EXT1: variants seen among roughly 807,000 people sequenced by gnomAD.
EXT1 encodes exostosin glycosyltransferase 1.
Under a neutral mutation model 82.5 loss-of-function variants are expected in EXT1, and 20 were observed. The observed-to-expected ratio is 0.24, with a 90% confidence interval of 0.17 to 0.35. EXT1 has a LOEUF of 0.35. Among genes scored for constraint, EXT1 ranks in the 10% least tolerant of loss-of-function variants. EXT1 has a pLI of 1.00. For missense variants in EXT1, 757 were observed against 936.5 expected, an observed-to-expected ratio of 0.81 and a Z score of 2.50; for synonymous variants, 348 against 350.8, an observed-to-expected ratio of 0.99 and a Z score of 0.09.
chr8:117,858,712 A>AGAAGGAAG (rs564611274), intron 1 of EXT1, among the ~76,000 whole-genome samples: 85 of 66,144 alleles, frequency 1.3e-3, no homozygotes, highest in South Asian at 3.2e-3. Flanking sequence ...AAGAAAAGAA[A>AGAAGGAAG]GAAGGAAGGA....
At chr8:117,833,802 T>A (rs1271255607) in intron 3 of EXT1, among the ~76,000 whole-genome samples, 1 of 152,196 alleles carries the variant, frequency 6.6e-6, no homozygotes, top group African/African-American at 2.4e-5. Context: ...TGTATTATTT[T>A]TAAAATAACA....
chr8:118,042,316 T>C (rs1301048726), intron 1 of EXT1, among the ~76,000 whole-genome samples: 1 of 152,156 alleles, frequency 6.6e-6, no homozygotes, highest in Non-Finnish European at 1.5e-5. Context: ...TTTGTTTTGA[T>C]GGAGTCTTGC....
chr8:117,906,412 C>T lies in EXT1; in HGVS notation c.963-69211G>A, dbSNP rs574336900. 1.5e-3 allele frequency among the ~76,000 whole-genome samples: 235 copies of T among 152,240 alleles called. 1 individual carries two copies. The highest frequency in any genetic ancestry group is 5.3e-3 in the African/African-American group (221 of 41,548). On this transcript the variant is annotated intron_variant, in intron 1 of 10. Coordinates refer to ENST00000378204, the MANE Select transcript of EXT1 (RefSeq NM_000127.3). The stretch of plus-strand genomic sequence containing the variant: ...ACAGACTAAAGTAATAGATTTATTT[C>T]CCATTCAATTTAGGAACCCTTAGAA...
chr8:118,006,856 T>C (rs1015435095), intron 1 of EXT1, among the ~76,000 whole-genome samples: 4 of 152,194 alleles, frequency 2.6e-5, no homozygotes, highest in African/African-American at 9.7e-5. Context: ...AGAGGCATCC[T>C]CTACCTAGCT....
At chr8:117,820,428 C>G (rs952950290) in intron 5 of EXT1, among the ~76,000 whole-genome samples, 1 of 152,136 alleles carries the variant, frequency 6.6e-6, no homozygotes, top group Admixed American at 6.6e-5. Context: ...GTGGCTCACA[C>G]GTGTGATCCC....
intron 1 of EXT1, among the ~76,000 whole-genome samples, chr8:117,941,877 C>T (rs1814288196): frequency 6.6e-6 from 1 of 152,214 alleles, no homozygotes; most frequent in Non-Finnish European, 1.5e-5. Flanking sequence ...CCTCACCCCT[C>T]TTGCTGTGTC....
At chr8:117,886,177 A>T (rs1813144658) in intron 1 of EXT1, among the ~76,000 whole-genome samples, 1 of 152,232 alleles carries the variant, frequency 6.6e-6, no homozygotes. Context: ...AGTATATATA[A>T]AATTGTACCT....
At chr8:117,822,675 G>A (rs946293086) in intron 4 of EXT1, 78 bp from the exon 5 acceptor site, 52 of 1,547,084 alleles carry the variant, frequency 3.4e-5, no homozygotes, top group South Asian at 5.6e-5. Flanking sequence ...ATCCAAATTC[G>A]AAAGATGGTG....
chr8:117,998,921 A>G (rs1385493221), intron 1 of EXT1, among the ~76,000 whole-genome samples: 1 of 152,234 alleles, frequency 6.6e-6, no homozygotes, highest in Non-Finnish European at 1.5e-5. Flanking sequence ...AAAGCAAGGT[A>G]ATACCACTAA....
intron 1 of EXT1, among the ~76,000 whole-genome samples, chr8:118,035,861 T>C (rs1373495130): frequency 6.6e-6 from 1 of 152,212 alleles, no homozygotes; most frequent in African/African-American, 2.4e-5. Context: ...AGTTGTCTAC[T>C]TTTCAACATG....
chr8:118,095,326 A>C (rs1276887988), intron 1 of EXT1, among the ~76,000 whole-genome samples: 1 of 152,242 alleles, frequency 6.6e-6, no homozygotes, highest in African/African-American at 2.4e-5. Flanking sequence ...GCATTGAGGT[A>C]CTTAAATTTT....
rs1823086986 is a variant in EXT1 at position 117,796,323 on chromosome 8, C to A, written c.*3389G>T. The A allele has an allele frequency of 6.6e-6, 1 of 151,426 alleles. No homozygotes were observed. Among genetic ancestry groups the A allele is most frequent in the Non-Finnish European group, 1.5e-5 (1 of 67,928 alleles). 9.4% of individuals were successfully genotyped at this position (151,426 alleles called of 1,614,324 possible). A position where few individuals can be genotyped will look rare whatever the true frequency, so the allele number is the denominator to read the frequency against. Reference sequence around the variant, plus strand: ...TAAGGCTGTCTTCCCCCTGATCCTGCCCTTTAAACAGGTTTGTTCTTAAAT... The same window carrying A: ...TAAGGCTGTCTTCCCCCTGATCCTGACCTTTAAACAGGTTTGTTCTTAAAT... On this transcript the variant is annotated 3_prime_UTR_variant, in exon 11 of 11. Transcript: ENST00000378204.
intron 1 of EXT1, among the ~76,000 whole-genome samples, chr8:117,849,375 C>T (rs1812417634): frequency 6.6e-6 from 1 of 152,200 alleles, no homozygotes; most frequent in Non-Finnish European, 1.5e-5. Context: ...AGACCCTGTA[C>T]TATGCCTGGC....
At position 117,806,181 on chromosome 8, in the gene EXT1, A is replaced by C. The variant is rs146589608; in HGVS notation, c.1883+1036T>G. On this transcript the variant is annotated intron_variant, in intron 9 of 10. Transcript: ENST00000378204. The stretch of plus-strand genomic sequence containing the variant: ...ATCTCTTGCCTAGATAATGTCAATC[A>C]CTTCCTAATAGGGCTTCTGCTTCAA... Among the ~76,000 whole-genome samples the C allele has an allele frequency of 2.8e-3, 428 of 152,258 alleles. 3 individuals carry two copies. Among genetic ancestry groups the C allele is most frequent in the African/African-American group, 7.0e-3 (291 of 41,546 alleles).
chr8:117,998,167 A>G (rs1014195904), intron 1 of EXT1, among the ~76,000 whole-genome samples: 1 of 151,486 alleles, frequency 6.6e-6, no homozygotes, highest in Non-Finnish European at 1.5e-5. Context: ...GTGCCCACCA[A>G]CATGCCCGGC....
chr8:117,867,890 G>A (rs983199180), intron 1 of EXT1, among the ~76,000 whole-genome samples: 11 of 152,056 alleles, frequency 7.2e-5, no homozygotes, highest in African/African-American at 1.7e-4. Flanking sequence ...TTCAACCCCC[G>A]GTTCTAGAAA....
chr8:118,085,691 C>G (rs1227362692), intron 1 of EXT1, among the ~76,000 whole-genome samples: 1 of 151,522 alleles, frequency 6.6e-6, no homozygotes, highest in Admixed American at 6.6e-5. Flanking sequence ...ATACACATAT[C>G]TATCCTATGT....
intron 1 of EXT1, among the ~76,000 whole-genome samples, chr8:118,071,143 T>C (rs17505917): frequency 0.03 from 4,545 of 152,318 alleles, 200 homozygotes; most frequent in African/African-American, 0.1. Context: ...CACAAATGAT[T>C]CCGTCATTCA....
At chr8:117,873,504 G>A (rs1002384012) in intron 1 of EXT1, among the ~76,000 whole-genome samples, 2 of 141,746 alleles carry the variant, frequency 1.4e-5, no homozygotes, top group African/African-American at 5.3e-5. Context: ...CACCCAGGCT[G>A]GAGTGCAGTG....
Sources: allele counts gnomAD v4.1 joint callset (sites outside exome capture counted in the v4.1 genomes callset), GRCh38; gene constraint gnomAD v4.1.1; transcripts MANE v1.5; gene names NCBI Gene and HGNC (gene_info 2026-07-23, HGNC 2026-07-21).